WASF3: variants seen among roughly 807,000 people sequenced by gnomAD.
The protein encoded by WASF3 is actin-binding protein WASF3.
Under a neutral mutation model 46.6 loss-of-function variants are expected in WASF3, and 11 were observed. The ratio of observed to expected loss-of-function variants is 0.24; its 90% CI spans 0.15 to 0.39. The LOEUF is 0.39. Among genes scored for constraint, WASF3 ranks in the 10% least tolerant of loss-of-function variants. The probability of loss-of-function intolerance (pLI) is 1.00; values close to 1 mark genes in which losing one functional copy is unlikely to be tolerated. For synonymous variants in WASF3, 242 were observed against 259.7 expected (o/e 0.93, Z 0.65); for missense variants, 576 against 669.8 (o/e 0.86, Z 1.55).
intron 9 of WASF3, 77 bp from the exon 10 acceptor site, chr13:26,685,611 T>C (rs1883378095): frequency 1.9e-6 from 3 of 1,558,180 alleles, no homozygotes; most frequent in East Asian, 4.5e-5. Context: ...AAAAGTCCAA[T>C]AGACATATTT....
At position 26,596,935 on chromosome 13, in the gene WASF3, T is replaced by A. The variant is rs551350754; in HGVS notation, c.-108-16026T>A. 1.2e-4 allele frequency among the ~76,000 whole-genome samples: 19 copies of A among 152,314 alleles called. No individual in the cohort carries two copies. In the East Asian group the frequency reaches 3.7e-3, roughly 29 times the overall value. On this transcript the variant is annotated intron_variant, in intron 1 of 9. Coordinates refer to ENST00000335327, the MANE Select transcript of WASF3 (RefSeq NM_006646.6). ...AATTTCCATTTCTGGCTTTTCTATTTACCTATTTTGTTATTTTACTCTGAT... is the reference window on the plus strand; with the variant it reads ...AATTTCCATTTCTGGCTTTTCTATTAACCTATTTTGTTATTTTACTCTGAT...
rs1418765272 is a variant in WASF3 at position 26,642,396 on chromosome 13, C to T, written c.126C>T (p.Ser42=). Residue 42 remains serine, a synonymous_variant, in exon 3 of 10, where the codon AGC becomes AGT. Transcript: ENST00000335327. ...TTGCCGCTATCATACGCCAGCTGAG[C>T]AGTCTGAGTAAGCCATCTTTTTTCT... ...STLAAIIRQL[S]SLSKHAEDIF... The T allele has an allele frequency of 6.3e-7, 1 of 1,589,552 alleles. No homozygotes were observed. The highest frequency in any genetic ancestry group is 1.9e-5 in the Admixed American group (1 of 53,386).
At chr13:26,555,376 G>C (rs940910309), upstream of WASF3, among the ~76,000 whole-genome samples, 12 of 152,044 alleles carry the variant, frequency 7.9e-5, no homozygotes, top group Non-Finnish European at 1.8e-4. Context: ...TCATACCCAA[G>C]GTCTGCATTC....
At chr13:26,634,582 C>T (rs1029452628) in intron 2 of WASF3, among the ~76,000 whole-genome samples, 10 of 152,118 alleles carry the variant, frequency 6.6e-5, no homozygotes, top group South Asian at 2.1e-4. Flanking sequence ...TTCATAGCAT[C>T]GATGGTCTTT....
At chr13:26,606,828 A>G (rs1880814616) in intron 1 of WASF3, 1 of 152,174 alleles carries the variant, frequency 6.6e-6, no homozygotes, top group Non-Finnish European at 1.5e-5. Context: ...TTCCATGCTC[A>G]GTAGTCCCCC....
chr13:26,643,107 G>A (rs1437334661), intron 3 of WASF3, among the ~76,000 whole-genome samples: 1 of 152,140 alleles, frequency 6.6e-6, no homozygotes, highest in Admixed American at 6.5e-5. Flanking sequence ...ACTCAAATAT[G>A]CATGAAAATG....
chr13:26,644,653 A>G (rs1882095793), intron 3 of WASF3, among the ~76,000 whole-genome samples: 1 of 151,952 alleles, frequency 6.6e-6, no homozygotes, highest in African/African-American at 2.4e-5. Context: ...CCTTTCAGGA[A>G]GTTCGAACTA....
chr13:26,579,465 G>A (rs1416366766), intron 1 of WASF3, among the ~76,000 whole-genome samples: 2 of 152,130 alleles, frequency 1.3e-5, no homozygotes, highest in African/African-American at 4.8e-5. Flanking sequence ...CACATGTTAA[G>A]CTGAAGTGCC....
chr13:26,646,180 T>G (rs1221745795), intron 3 of WASF3, among the ~76,000 whole-genome samples: 3 of 152,216 alleles, frequency 2.0e-5, no homozygotes, highest in Non-Finnish European at 4.4e-5. Context: ...GCATGAATCT[T>G]CAGTTGTTCG....
At chr13:26,548,799 C>T in the WASF3 span, among the ~76,000 whole-genome samples, 1 of 152,222 alleles carries the variant, frequency 6.6e-6, no homozygotes, top group South Asian at 2.1e-4. Flanking sequence ...CCCTGCAGTG[C>T]CCTTCTCCAG....
the WASF3 span, among the ~76,000 whole-genome samples, chr13:26,547,635 C>G: frequency 6.6e-6 from 1 of 152,194 alleles, no homozygotes; most frequent in African/African-American, 2.4e-5. Context: ...CAGTTTTCCT[C>G]TCTTCTGACT....
chr13:26,558,428 A>G lies in WASF3; in HGVS notation c.-109+609A>G, dbSNP rs760899366. On this transcript the variant is annotated intron_variant, in intron 1 of 9. Coordinates refer to ENST00000335327, the MANE Select transcript of WASF3 (RefSeq NM_006646.6). ...CTCGGAGACCAGGCCGGACTCTTGG[A>G]GTGCAGGGGAGGAGGTGGGGCGGCC... 3.3e-3 allele frequency among the ~76,000 whole-genome samples: 494 copies of G among 147,898 alleles called. 2 individuals carry two copies. Among genetic ancestry groups the G allele is most frequent in the Middle Eastern group, 0.01 (3 of 286 alleles).
intron 2 of WASF3, among the ~76,000 whole-genome samples, chr13:26,616,531 A>T (rs1000064673): frequency 2.0e-5 from 3 of 152,032 alleles, no homozygotes; most frequent in Non-Finnish European, 2.9e-5. Flanking sequence ...TTGTAGTTTT[A>T]TTCATTTTAA....
intron 1 of WASF3, among the ~76,000 whole-genome samples, chr13:26,595,028 A>G (rs183705548): frequency 1.2e-4 from 18 of 152,334 alleles, no homozygotes; most frequent in South Asian, 4.1e-4. Context: ...GTAGTCTTCA[A>G]TGTCATTTGT....
intron 3 of WASF3, among the ~76,000 whole-genome samples, chr13:26,652,435 T>A (rs1434534985): frequency 6.6e-6 from 1 of 152,154 alleles, no homozygotes; most frequent in Non-Finnish European, 1.5e-5. Flanking sequence ...TTTTAACAAG[T>A]ACCGCTCAGT....
chr13:26,667,058 A>G (rs573704728), intron 4 of WASF3, among the ~76,000 whole-genome samples: 1 of 152,240 alleles, frequency 6.6e-6, no homozygotes, highest in South Asian at 2.1e-4. Flanking sequence ...ATCTTTCCTT[A>G]ATGTTTGTTT....
intron 2 of WASF3, among the ~76,000 whole-genome samples, chr13:26,632,453 T>C (rs2137263542): frequency 6.6e-6 from 1 of 152,362 alleles, no homozygotes. Context: ...TCGTTGGTTC[T>C]GTGTATGTGA....
At chr13:26,542,927 T>A in the WASF3 span, among the ~76,000 whole-genome samples, 1 of 152,218 alleles carries the variant, frequency 6.6e-6, no homozygotes, top group Non-Finnish European at 1.5e-5. Flanking sequence ...AGAAATAGTA[T>A]CTGCACATAA....
intron 5 of WASF3, among the ~76,000 whole-genome samples, chr13:26,669,430 A>G (rs1366202201): frequency 8.6e-5 from 13 of 151,794 alleles, no homozygotes; most frequent in Admixed American, 8.5e-4. Flanking sequence ...GGTATATAAC[A>G]TATAAATTTT....
Sources: allele counts gnomAD v4.1 joint callset (sites outside exome capture counted in the v4.1 genomes callset), GRCh38; gene constraint gnomAD v4.1.1; transcripts MANE v1.5; gene names NCBI Gene and HGNC (gene_info 2026-07-23, HGNC 2026-07-21).